Variants in FMN2 observed in about 807,000 individuals in gnomAD.
The protein encoded by FMN2 is formin-2.
In FMN2, 51 loss-of-function variants were observed where a neutral mutation model predicts 142.3. That is an observed-to-expected ratio of 0.36 (90% confidence interval 0.29 to 0.45). The LOEUF (loss-of-function observed/expected upper bound fraction) is 0.45. Among genes scored for constraint, FMN2 ranks in the 20% least tolerant of loss-of-function variants. The pLI is 1.00. For synonymous variants in FMN2, 882 were observed against 869.8 expected (o/e 1.01, Z -0.25); for missense variants, 1,936 against 2,122.8 (o/e 0.91, Z 1.73).
Position 240,178,052 on chromosome 1 carries a change from C to T in FMN2, c.1914C>T (p.Leu638=), listed in dbSNP as rs1435929332. 1.2e-5 allele frequency: 19 copies of T among 1,601,072 alleles called. No homozygotes were observed. Among genetic ancestry groups the T allele is most frequent in the East Asian group, 9.0e-5 (4 of 44,626 alleles). ...PSKPPDEEHR[L]EDAETESQSA... Reference sequence around the variant, plus strand: ...AACCTCCCGATGAGGAACACAGGCTCGAGGATGCTGAAACAGGTAACCCTT... The same window carrying T: ...AACCTCCCGATGAGGAACACAGGCTTGAGGATGCTGAAACAGGTAACCCTT... The change falls in exon 3 of 18, where the codon CTC becomes CTT. Residue 638 remains leucine (L), a synonymous_variant. Transcript: ENST00000319653.
intron 3 of FMN2, 73 bp downstream of exon 3, chr1:240,178,141 A>G (rs1665002201): frequency 2.2e-6 from 3 of 1,368,904 alleles, no homozygotes; most frequent in Non-Finnish European, 1.9e-6. Context: ...ATTAAATCTT[A>G]GTTTTAAGTA....
At chr1:240,177,873 T>C in intron 2 of FMN2, 48 bp from the exon 3 acceptor site, 2 of 1,466,352 alleles carry the variant, frequency 1.4e-6, no homozygotes, top group South Asian at 1.6e-5. Context: ...GCTTATTTTT[T>C]TGTAACTGAA....
intron 8 of FMN2, among the ~76,000 whole-genome samples, chr1:240,317,317 G>T (rs866019525): frequency 6.2e-5 from 8 of 130,032 alleles, no homozygotes; most frequent in African/African-American, 2.2e-4. Flanking sequence ...AAAAGAAAAA[G>T]AAAAGAAAGA....
chr1:240,404,581 T>G lies in FMN2; in HGVS notation c.4910+12019T>G, dbSNP rs1437288071. 2.6e-5 allele frequency among the ~76,000 whole-genome samples: 4 copies of G among 152,244 alleles called. No individual in the cohort carries two copies. The East Asian group carries it at 7.7e-4, about 29-fold the overall frequency. ...CTACTTCTAATCCTGGCAGAAGATTTACTGTCTGGAGGCCCAGCAGAGCAA... is the reference window on the plus strand; with the variant it reads ...CTACTTCTAATCCTGGCAGAAGATTGACTGTCTGGAGGCCCAGCAGAGCAA... On this transcript the variant is annotated intron_variant, in intron 15 of 17. Coordinates refer to ENST00000319653, the MANE Select transcript of FMN2 (RefSeq NM_020066.5).
At chr1:240,446,785 G>A (rs1675830461) in intron 16 of FMN2, among the ~76,000 whole-genome samples, 1 of 152,084 alleles carries the variant, frequency 6.6e-6, no homozygotes, top group Non-Finnish European at 1.5e-5. Flanking sequence ...AACGTAAGGA[G>A]CCAAAGGCTT....
intron 16 of FMN2, among the ~76,000 whole-genome samples, chr1:240,438,442 A>G (rs1227645570): frequency 6.6e-6 from 1 of 152,196 alleles, no homozygotes; most frequent in Non-Finnish European, 1.5e-5. Flanking sequence ...TGCCAGGACC[A>G]CTGTCGGGTA....
intron 2 of FMN2, among the ~76,000 whole-genome samples, chr1:240,133,467 G>A (rs1662821248): frequency 6.6e-6 from 1 of 152,122 alleles, no homozygotes; most frequent in Admixed American, 6.5e-5. Context: ...CACCGCACCT[G>A]GCCATGTCAT....
chr1:240,378,903 C>G (rs1047006451), intron 14 of FMN2, among the ~76,000 whole-genome samples: 5 of 152,098 alleles, frequency 3.3e-5, no homozygotes, highest in Admixed American at 1.3e-4. Context: ...GTATTAATAT[C>G]CTTATTTGCT....
Position 240,093,503 on chromosome 1 carries a change from C to G in FMN2, c.1394C>G (p.Pro465Arg), listed in dbSNP as rs776179455. 4.4e-6 allele frequency: 7 copies of G among 1,595,522 alleles called. No homozygotes were observed. The African/African-American group carries it at 6.9e-5, about 16-fold the overall frequency. ...ACTGCCCTGGCCTCCGTAGCCGCCC[C>G]GGCCAAGAAGCACCGGGCCGACGGC... ...SRTALASVAAPAKKHRADGGL... is the reference protein window; with the variant it reads ...SRTALASVAARAKKHRADGGL... Residue 465 changes from proline to arginine, a missense_variant, in exon 1 of 18, where the codon CCG (proline) becomes CGG (arginine). Pro to Arg is a moderately radical substitution (Grantham distance 103). Coordinates refer to ENST00000319653, the MANE Select transcript of FMN2 (RefSeq NM_020066.5).
chr1:240,349,801 G>A (rs555353348), intron 13 of FMN2, among the ~76,000 whole-genome samples: 1 of 152,222 alleles, frequency 6.6e-6, no homozygotes, highest in East Asian at 1.9e-4. Context: ...TGAGATGATT[G>A]GAATTACTCG....
intron 2 of FMN2, among the ~76,000 whole-genome samples, chr1:240,135,064 C>G (rs1558312694): frequency 6.6e-6 from 1 of 152,158 alleles, no homozygotes; most frequent in African/African-American, 2.4e-5. Flanking sequence ...ATTTAGCTCT[C>G]TGTGTGTATG....
intron 3 of FMN2, among the ~76,000 whole-genome samples, 153 bp from the exon 4 acceptor site, chr1:240,188,054 C>A (rs1665553035): frequency 6.6e-6 from 1 of 152,102 alleles, no homozygotes; most frequent in Non-Finnish European, 1.5e-5. Flanking sequence ...GTAGTCATAT[C>A]CTAATAACCC....
chr1:240,324,692 AGAGGGAGGGAGG>A (rs199636897), intron 8 of FMN2, among the ~76,000 whole-genome samples: 2 of 133,232 alleles, frequency 1.5e-5, no homozygotes, highest in African/African-American at 5.5e-5. Flanking sequence ...AGAGAGAGAG[AGAGGGAGGGAGG>A]GAGGGAGGGA....
chr1:240,443,893 T>C (rs1675713262), intron 16 of FMN2, among the ~76,000 whole-genome samples: 1 of 152,184 alleles, frequency 6.6e-6, no homozygotes. Flanking sequence ...TCTTCATCTC[T>C]TATTTTCAGG....
chr1:240,436,432 C>T (rs901871167), intron 15 of FMN2, among the ~76,000 whole-genome samples: 11 of 152,192 alleles, frequency 7.2e-5, no homozygotes, highest in African/African-American at 2.7e-4. Flanking sequence ...AACCCACAGT[C>T]AAGAGTAGCT....
At chr1:240,440,938 G>A (rs758369182) in intron 16 of FMN2, among the ~76,000 whole-genome samples, 8 of 150,722 alleles carry the variant, frequency 5.3e-5, no homozygotes, top group East Asian at 3.9e-4. Context: ...TAAGGGTGGC[G>A]CCCCATCTGA....
At chr1:240,113,299 C>T (rs1339141651) in intron 1 of FMN2, among the ~76,000 whole-genome samples, 1 of 151,890 alleles carries the variant, frequency 6.6e-6, no homozygotes. Flanking sequence ...CACGGTGGTG[C>T]GCACCTGTAA....
At position 240,342,091 on chromosome 1, in the gene FMN2, C is replaced by T. The variant is rs531248741; in HGVS notation, c.4765+7862C>T. 5.3e-5 allele frequency among the ~76,000 whole-genome samples: 8 copies of T among 152,258 alleles called. No individual in the cohort carries two copies. The East Asian group carries it at 7.7e-4, about 15-fold the overall frequency. ...TATCTATTCCTCCACGATCATAGTTCGATGACTTCTACTTCCGCCCTGTTT... is the reference window on the plus strand; with the variant it reads ...TATCTATTCCTCCACGATCATAGTTTGATGACTTCTACTTCCGCCCTGTTT... On this transcript the variant is annotated intron_variant, in intron 13 of 17. Transcript: ENST00000319653.
chr1:240,171,902 C>T (rs200297660), intron 2 of FMN2, among the ~76,000 whole-genome samples: 2 of 94,882 alleles, frequency 2.1e-5, no homozygotes, highest in Admixed American at 2.1e-4. Context: ...AGTTTGTTTT[C>T]TTTAATAGGA....
Sources: gnomAD v4.1 joint callset for allele counts (sites outside exome capture counted in the v4.1 genomes callset) on GRCh38, gnomAD v4.1.1 for gene constraint, MANE v1.5 for transcripts, NCBI Gene and HGNC (gene_info 2026-07-23, HGNC 2026-07-21) for gene names.